Variants in PIBF1 observed in about 807,000 individuals in gnomAD.
The protein encoded by PIBF1 is progesterone-induced-blocking factor 1.
In PIBF1, 90 loss-of-function variants were observed where a neutral mutation model predicts 112.5. That is an observed-to-expected ratio of 0.80 (90% CI 0.67 to 0.95). The LOEUF is 0.95. Among genes scored for constraint, PIBF1 ranks in the 40% least tolerant of loss-of-function variants. PIBF1 has a pLI of 0.00. For missense variants in PIBF1, 915 were observed against 852.3 expected, an observed-to-expected ratio of 1.07 and a Z score of -0.92; for synonymous variants, 301 against 288.6, an observed-to-expected ratio of 1.04 and a Z score of -0.44.
chr13:72,817,252 C>T (rs1307431696), intron 5 of PIBF1, among the ~76,000 whole-genome samples: 1 of 152,074 alleles, frequency 6.6e-6, no homozygotes, highest in Non-Finnish European at 1.5e-5. Flanking sequence ...TCTCAGTTTA[C>T]ATCATGGGAG....
In PIBF1 at chr13:72,791,643, T is replaced by A. The variant is rs2034936033; in HGVS notation, c.253-804T>A. On this transcript the variant is annotated intron_variant, in intron 2 of 17. Coordinates refer to ENST00000326291, the MANE Select transcript of PIBF1 (RefSeq NM_006346.4). ...ATGTAAAACTAGGAAAATAATTTTT[T>A]TTTTTTTGAGACGGAGTCTCGCTCT... is the stretch of plus-strand genomic sequence containing the variant. Among the ~76,000 whole-genome samples the A allele has an allele frequency of 3.3e-5, 5 of 151,872 alleles. No individual in the cohort carries two copies. The South Asian group carries it at 8.3e-4, about 25-fold the overall frequency.
At chr13:72,828,012 G>T in intron 8 of PIBF1, 98 bp downstream of exon 8, 1 of 650,462 alleles carries the variant, frequency 1.5e-6, no homozygotes, top group Non-Finnish European at 2.4e-6. Flanking sequence ...ATTTTTTTAA[G>T]GTCTATTCTA....
intron 5 of PIBF1, among the ~76,000 whole-genome samples, chr13:72,809,625 T>G (rs1285977816): frequency 1.4e-5 from 2 of 144,990 alleles, no homozygotes; most frequent in Non-Finnish European, 3.0e-5. Flanking sequence ...GGAGTTTTGC[T>G]CTTGCCCAGG....
intron 9 of PIBF1, among the ~76,000 whole-genome samples, chr13:72,841,693 C>T (rs1319276391): frequency 6.6e-6 from 1 of 151,976 alleles, no homozygotes; most frequent in East Asian, 1.9e-4. Flanking sequence ...TCACCTGAGC[C>T]TGGGAGGTCA....
chr13:72,845,177 C>T (rs61967066), intron 9 of PIBF1, among the ~76,000 whole-genome samples: 32,351 of 145,378 alleles, frequency 0.22, 3,568 homozygotes, highest in Middle Eastern at 0.27. Flanking sequence ...GTGTGTTGTT[C>T]CCCTCCCTGT....
At chr13:73,013,216 G>A (rs111855176) in intron 17 of PIBF1, among the ~76,000 whole-genome samples, 6 of 150,146 alleles carry the variant, frequency 4.0e-5, no homozygotes, top group South Asian at 2.1e-4. Context: ...CAGGAGAATG[G>A]CGTGAACCCG....
At chr13:72,941,628 A>G (rs1001673435) in intron 14 of PIBF1, among the ~76,000 whole-genome samples, 7 of 152,220 alleles carry the variant, frequency 4.6e-5, no homozygotes, top group African/African-American at 1.7e-4. Context: ...AAAGTGGGAC[A>G]TGCACAGTCA....
At chr13:72,790,712 A>C (rs2034880523) in intron 2 of PIBF1, among the ~76,000 whole-genome samples, 1 of 152,176 alleles carries the variant, frequency 6.6e-6, no homozygotes, top group Admixed American at 6.5e-5. Flanking sequence ...AAACTAGAGA[A>C]GAGTATCATG....
intron 14 of PIBF1, among the ~76,000 whole-genome samples, chr13:72,954,078 G>A (rs917629039): frequency 6.6e-6 from 1 of 152,166 alleles, no homozygotes; most frequent in African/African-American, 2.4e-5. Context: ...TTCCAGAGGG[G>A]AGCAGAGCTG....
intron 16 of PIBF1, among the ~76,000 whole-genome samples, chr13:72,987,041 C>G (rs2043313309): frequency 6.6e-6 from 1 of 152,180 alleles, no homozygotes; most frequent in Non-Finnish European, 1.5e-5. Context: ...CTGCTCTGCT[C>G]TAGTCAGTAC....
In PIBF1 at chr13:72,792,565, T is replaced by TAAA; in HGVS notation, c.353+26_353+28dup. ...GATGCCAGGTAAGAAAAGTTTTTTT[T>TAAA]AAAAAAAAAACAACATCTATTTAGC... is the stretch of plus-strand genomic sequence containing the variant. On this transcript the variant is annotated intron_variant, in intron 3 of 17. Coordinates refer to ENST00000326291, the MANE Select transcript of PIBF1 (RefSeq NM_006346.4). The TAAA allele has an allele frequency of 1.7e-6, 2 of 1,179,604 alleles. No homozygotes were observed. Among genetic ancestry groups the TAAA allele is most frequent in the Non-Finnish European group, 2.4e-6 (2 of 840,118 alleles). The allele number at this position is 1,179,604 out of a possible 1,614,324, so 73.1% of individuals were successfully genotyped here.
chr13:72,901,205 A>G, intron 11 of PIBF1: 1 of 244,840 alleles, frequency 4.1e-6, no homozygotes, highest in Non-Finnish European at 8.4e-6. Flanking sequence ...CAGTGAACTC[A>G]AATCAGTAAA....
intron 9 of PIBF1, among the ~76,000 whole-genome samples, chr13:72,853,647 C>T (rs565599370): frequency 1.7e-4 from 26 of 152,172 alleles, no homozygotes; most frequent in Non-Finnish European, 3.4e-4. Flanking sequence ...TATCCCAAAC[C>T]GCACTTTTAT....
intron 2 of PIBF1, among the ~76,000 whole-genome samples, chr13:72,784,453 A>C (rs1010145465): frequency 6.8e-6 from 1 of 148,140 alleles, no homozygotes; most frequent in African/African-American, 2.5e-5. Flanking sequence ...AAAACTAGTA[A>C]TAATAATAAT....
At chr13:72,886,178 C>G (rs930056203) in intron 10 of PIBF1, among the ~76,000 whole-genome samples, 3 of 152,046 alleles carry the variant, frequency 2.0e-5, no homozygotes, top group African/African-American at 7.2e-5. Flanking sequence ...TTCATAAAAG[C>G]ATCCCCCTAA....
intron 5 of PIBF1, among the ~76,000 whole-genome samples, chr13:72,819,584 A>T (rs2138110736): frequency 6.6e-6 from 1 of 152,222 alleles, no homozygotes; most frequent in South Asian, 2.1e-4. Context: ...TCCTCACTCT[A>T]CTACTTACGA....
intron 14 of PIBF1, among the ~76,000 whole-genome samples, chr13:72,941,503 AC>A (rs1433167363): frequency 6.6e-6 from 1 of 152,184 alleles, no homozygotes; most frequent in African/African-American, 2.4e-5. Flanking sequence ...GACAAAATAG[AC>A]ATGGTTTTTC....
intron 16 of PIBF1, among the ~76,000 whole-genome samples, chr13:72,987,236 A>G (rs2043319381): frequency 6.6e-6 from 1 of 152,156 alleles, no homozygotes; most frequent in African/African-American, 2.4e-5. Flanking sequence ...TTTGTTACAC[A>G]TGTCTCCAAA....
chr13:72,953,279 A>G (rs1405747532), intron 14 of PIBF1, among the ~76,000 whole-genome samples: 1 of 152,188 alleles, frequency 6.6e-6, no homozygotes, highest in Non-Finnish European at 1.5e-5. Flanking sequence ...TCTGATGAAA[A>G]ACAACTTCCC....
Sources: gnomAD v4.1 joint callset for allele counts (sites outside exome capture counted in the v4.1 genomes callset) on GRCh38, gnomAD v4.1.1 for gene constraint, MANE v1.5 for transcripts, NCBI Gene and HGNC (gene_info 2026-07-23, HGNC 2026-07-21) for gene names.